Variants in EIF4E1B observed in about 807,000 individuals in gnomAD.
The protein encoded by EIF4E1B is eukaryotic translation initiation factor 4E type 1B.
In EIF4E1B, 22 loss-of-function variants were observed where a neutral mutation model predicts 31.3. The ratio of observed to expected loss-of-function variants is 0.70; its 90% CI spans 0.50 to 1.00. The LOEUF (loss-of-function observed/expected upper bound fraction) is 1.00. Ranked by LOEUF, EIF4E1B falls within the 50% of genes least tolerant of loss-of-function variation. EIF4E1B has a pLI of 0.00. For synonymous variants in EIF4E1B, 126 were observed against 120.2 expected, an observed-to-expected ratio of 1.05 and a Z score of -0.31; for missense variants, 290 against 311.6, an observed-to-expected ratio of 0.93 and a Z score of 0.52.
chr5:176,642,962 C>T (rs1204115995), intron 3 of EIF4E1B, 120 bp from the exon 4 acceptor site: 2 of 1,467,858 alleles, frequency 1.4e-6, no homozygotes, highest in Non-Finnish European at 9.1e-7. Context: ...CTGGGCATGG[C>T]TACTGAAGGC....
chr5:176,644,409 C>G lies in EIF4E1B; in HGVS notation c.330C>G (p.Leu110=), dbSNP rs1210790591. 1.3e-6 allele frequency: 2 copies of G among 1,595,996 alleles called. No individual in the cohort carries two copies. The highest frequency in any genetic ancestry group is 2.7e-5 in the African/African-American group (2 of 74,538). The change falls in exon 6 of 9, where the codon CTC becomes CTG. Residue 110 remains leucine (L), a synonymous_variant. Transcript: ENST00000318682. ...LYSHIQLASK[L]SSGCDYALFK... is the part of the protein sequence containing the mutation. ...GTCACATCCAGCTGGCCAGCAAGCT[C>G]TCCTCTGGCTGTGACTACGCCCTCT... is the stretch of plus-strand genomic sequence containing the variant.
At position 176,645,274 on chromosome 5, in the gene EIF4E1B, A is replaced by G. The variant is rs777141090; in HGVS notation, c.474+31A>G. 6.2e-7 allele frequency: 1 copy of G among 1,603,720 alleles called. No homozygotes were observed. Among genetic ancestry groups the G allele is most frequent in the Non-Finnish European group, 8.5e-7 (1 of 1,173,510 alleles). On this transcript the variant is annotated intron_variant, in intron 7 of 8. Transcript: ENST00000318682. This position sits in a 1 kb window ranked among gnomAD's most constrained non-coding sequence, Gnocchi z 5.4. ...TTGGAGGAGGAGGGTCCTCAGGGGA[A>G]GAGACGGGCTGTGTGGGTCTCATGG...
At chr5:176,642,862 C>CCG (rs1554151080) in intron 3 of EIF4E1B, 60 bp downstream of exon 3, 1 of 1,287,084 alleles carries the variant, frequency 7.8e-7, no homozygotes. Flanking sequence ...CCCCCCCCCC[C>CCG]CCCGCCCCAG....
At position 176,645,680 on chromosome 5, in the gene EIF4E1B, T is replaced by C. The variant is rs1581188171; in HGVS notation, c.614+164T>C. On this transcript the variant is annotated intron_variant, in intron 8 of 8. Transcript: ENST00000318682. This position sits in a 1 kb window ranked among gnomAD's most constrained non-coding sequence, Gnocchi z 5.4. ...AGGTCTGGCGTTCAGATTTCTAACTTTCTCTTACGGCAGTGCAGCTCTCCT... is the reference window on the plus strand; with the variant it reads ...AGGTCTGGCGTTCAGATTTCTAACTCTCTCTTACGGCAGTGCAGCTCTCCT... The C allele has an allele frequency of 1.4e-5, 17 of 1,209,282 alleles. No individual in the cohort carries two copies. The East Asian group carries it at 4.5e-4, about 32-fold the overall frequency. The allele number at this position is 1,209,282 out of a possible 1,614,324, so 74.9% of individuals were successfully genotyped here. A position where few individuals can be genotyped will look rare whatever the true frequency, so the allele number is the denominator to read the frequency against.
chr5:176,642,849 T>TCACC, intron 3 of EIF4E1B, 47 bp downstream of exon 3: 1 of 1,181,916 alleles, frequency 8.5e-7, no homozygotes, highest in African/African-American at 3.5e-5. Flanking sequence ...GGCCCCGCCC[T>TCACC]CTCCCCCCCC....
At chr5:176,635,954 C>T (rs1383213618) in intron 1 of EIF4E1B, among the ~76,000 whole-genome samples, 4 of 152,034 alleles carry the variant, frequency 2.6e-5, no homozygotes, top group Admixed American at 2.6e-4. Flanking sequence ...GTAGCTGGAA[C>T]CACAGGCACA....
chr5:176,645,033 AG>A lies in EIF4E1B; in HGVS notation c.361-94del. ...GAGGATAAGAGAATCTGGCCTACTT[AG>A]GGCCTCAGCAGAGAGCGGATAAGGC... On this transcript the variant is annotated intron_variant, in intron 6 of 8. Coordinates refer to ENST00000318682, the MANE Select transcript of EIF4E1B (RefSeq NM_001099408.2). This position sits in a 1 kb window ranked among gnomAD's most constrained non-coding sequence, Gnocchi z 5.4. 9.2e-7 allele frequency: 1 copy of A among 1,088,218 alleles called. No individual in the cohort carries two copies. Among genetic ancestry groups the A allele is most frequent in the East Asian group, 2.6e-5 (1 of 38,308 alleles). 67.4% of individuals were successfully genotyped at this position (1,088,218 alleles called of 1,614,324 possible). A position where few individuals can be genotyped will look rare whatever the true frequency, so the allele number is the denominator to read the frequency against.
chr5:176,637,318 A>C (rs1439790734), intron 1 of EIF4E1B, among the ~76,000 whole-genome samples: 1 of 152,198 alleles, frequency 6.6e-6, no homozygotes, highest in Non-Finnish European at 1.5e-5. Context: ...GTGCTCCTGT[A>C]ATTCCAGCTA....
intron 1 of EIF4E1B, among the ~76,000 whole-genome samples, chr5:176,637,403 T>C (rs1248962178): frequency 6.6e-6 from 1 of 152,084 alleles, no homozygotes; most frequent in African/African-American, 2.4e-5. Context: ...CGTGCCACTG[T>C]ACTCCAGCCT....
Position 176,638,752 on chromosome 5 carries a change from G to A in EIF4E1B, c.-201-3291G>A, listed in dbSNP as rs1004547394. Among the ~76,000 whole-genome samples the A allele has an allele frequency of 6.6e-6, 1 of 151,966 alleles. No homozygotes were observed. The highest frequency in any genetic ancestry group is 2.4e-5 in the African/African-American group (1 of 41,230). Reference sequence around the variant, plus strand: ...GGACCTGGACTTTGGATCACATCCTGGGTGTCCTGGAGGTTTGTTTGTTTG... The same window carrying A: ...GGACCTGGACTTTGGATCACATCCTAGGTGTCCTGGAGGTTTGTTTGTTTG... On this transcript the variant is annotated intron_variant, in intron 1 of 8. Transcript: ENST00000318682. This position sits in a 1 kb window ranked among gnomAD's most constrained non-coding sequence, Gnocchi z 4.3.
At chr5:176,640,985 C>T (rs536556293) in intron 1 of EIF4E1B, among the ~76,000 whole-genome samples, 14 of 152,302 alleles carry the variant, frequency 9.2e-5, no homozygotes, top group Admixed American at 2.6e-4. Context: ...GTTCTTAAAA[C>T]GGGGTCCCTG....
Position 176,645,979 on chromosome 5 carries a change from G to T in EIF4E1B, c.728G>T (p.Ter243LeuextTer48). The T allele has an allele frequency of 6.2e-7, 1 of 1,600,140 alleles. No homozygotes were observed. The highest frequency in any genetic ancestry group is 8.5e-7 in the Non-Finnish European group (1 of 1,173,456). ...CTAGCCAAGAACAAGTTTGTGGTGT[G>T]AGGGGGGCCTTGGCACCCCTCCTAT... ...NSLAKNKFVV[*>L] The change falls in exon 9 of 9, where the codon TGA becomes TTA. Residue 243 changes from the stop codon to leucine (L), a stop_lost. Coordinates refer to ENST00000318682, the MANE Select transcript of EIF4E1B (RefSeq NM_001099408.2). This position sits in a 1 kb window ranked among gnomAD's most constrained non-coding sequence, Gnocchi z 5.4.
rs951986163 is a variant in EIF4E1B, at chr5:176,638,044, G to A, written c.-201-3999G>A. 2.0e-5 allele frequency among the ~76,000 whole-genome samples: 3 copies of A among 152,184 alleles called. No homozygotes were observed. The highest frequency in any genetic ancestry group is 2.1e-4 in the South Asian group (1 of 4,830). On this transcript the variant is annotated intron_variant, in intron 1 of 8. Transcript: ENST00000318682. This position sits in a 1 kb window ranked among gnomAD's most constrained non-coding sequence, Gnocchi z 4.3. Reference sequence around the variant, plus strand: ...GACAGAGCCCCAGGACCATTCCAGCGTTTTCGGCTGAGCAGTTGGAAGGGT... The same window carrying A: ...GACAGAGCCCCAGGACCATTCCAGCATTTTCGGCTGAGCAGTTGGAAGGGT...
rs751393132 is a variant in EIF4E1B at position 176,643,218 on chromosome 5, C to CG, written c.158dup (p.Met55HisfsTer22). ...CTGTCTCTGAGAGGGAAGGCCCGGA[C>CG]GGGGGGCCCCATGGAAGTCAAGCTG... On this transcript the variant is annotated frameshift_variant, in exon 4 of 9. Coordinates refer to ENST00000318682, the MANE Select transcript of EIF4E1B (RefSeq NM_001099408.2). LOFTEE classifies it high-confidence loss of function. The CG allele has an allele frequency of 1.9e-6, 3 of 1,613,086 alleles. No individual in the cohort carries two copies. Among genetic ancestry groups the CG allele is most frequent in the Non-Finnish European group, 1.7e-6 (2 of 1,179,844 alleles).
chr5:176,637,256 T>C (rs1199800372), intron 1 of EIF4E1B, among the ~76,000 whole-genome samples: 2 of 152,090 alleles, frequency 1.3e-5, no homozygotes, highest in African/African-American at 4.8e-5. Flanking sequence ...CTGGCCAACA[T>C]GGTGAAACTC....
intron 4 of EIF4E1B, 81 bp downstream of exon 4, chr5:176,643,347 C>A: frequency 1.3e-6 from 2 of 1,492,478 alleles, no homozygotes; most frequent in East Asian, 2.3e-5. Context: ...TTGGGCAACC[C>A]CGCCTCTCTT....
intron 1 of EIF4E1B, among the ~76,000 whole-genome samples, chr5:176,639,259 G>T (rs931693643): frequency 1.3e-5 from 2 of 152,206 alleles, no homozygotes; most frequent in Admixed American, 1.3e-4. Context: ...TGGAGTCAGG[G>T]GAGTTGGGAG....
At chr5:176,634,174 G>C (rs1236792178) in intron 1 of EIF4E1B, among the ~76,000 whole-genome samples, 1 of 152,090 alleles carries the variant, frequency 6.6e-6, no homozygotes, top group Non-Finnish European at 1.5e-5. Flanking sequence ...TGATGAGCTT[G>C]TCTGGGGGAA....
intron 1 of EIF4E1B, among the ~76,000 whole-genome samples, chr5:176,636,932 C>A (rs1163514579): frequency 8.5e-5 from 13 of 152,240 alleles, no homozygotes; most frequent in Non-Finnish European, 1.5e-5. Flanking sequence ...GAAGCCCTTG[C>A]CCCTCTGGAA....
Sources: gnomAD v4.1 joint callset for allele counts (sites outside exome capture counted in the v4.1 genomes callset) on GRCh38, gnomAD v4.1.1 for gene constraint, Gnocchi (gnomAD v3.1) non-coding constraint, MANE v1.5 for transcripts, NCBI Gene and HGNC (gene_info 2026-07-23, HGNC 2026-07-21) for gene names.